LMOD3: variants seen among roughly 807,000 people sequenced by gnomAD.
LMOD3 encodes leiomodin-3.
In LMOD3, 31 loss-of-function variants were observed where a neutral mutation model predicts 41.8. The observed-to-expected ratio is 0.74, with a 90% CI of 0.56 to 1.00. The LOEUF (loss-of-function observed/expected upper bound fraction) is 1.00. LMOD3 is among the 50% of genes least tolerant of loss of function. LMOD3 has a pLI of 0.00. For synonymous variants in LMOD3, 292 were observed against 241.9 expected (o/e 1.21, Z -1.92); for missense variants, 755 against 679.5 (o/e 1.11, Z -1.23).
chr3:69,109,218 C>G, intron 2 of LMOD3, 97 bp from the exon 3 acceptor site: 1 of 1,139,658 alleles, frequency 8.8e-7, no homozygotes, highest in Non-Finnish European at 1.3e-6. Context: ...TTAAAAGATA[C>G]AGAATAGGTT....
At position 69,122,069 on chromosome 3, in the gene LMOD3, G is replaced by A. The variant is rs199769817; in HGVS notation, c.294+24C>T. 2,085 of 1,590,014 alleles carry A rather than the reference G, an allele frequency of 1.3e-3. 7 individuals carry two copies. Among genetic ancestry groups the A allele is most frequent in the Non-Finnish European group, 1.3e-3 (1,541 of 1,164,814 alleles). Reference sequence around the variant, plus strand: ...AGCCCATCCCAGGCAGCCATTTCTCGGTTGTACACAAATCTCTGGTTACCT... The same window carrying A: ...AGCCCATCCCAGGCAGCCATTTCTCAGTTGTACACAAATCTCTGGTTACCT... On this transcript the variant is annotated intron_variant, in intron 1 of 2. Coordinates refer to ENST00000420581, the MANE Select transcript of LMOD3 (RefSeq NM_198271.5).
At position 69,119,689 on chromosome 3, in the gene LMOD3, A is replaced by C; in HGVS notation, c.666T>G (p.Ala222=). 1 of 1,613,894 alleles carries C rather than the reference A, an allele frequency of 6.2e-7. No homozygotes were observed. The highest frequency in any genetic ancestry group is 8.5e-7 in the Non-Finnish European group (1 of 1,179,876). The change falls in exon 2 of 3, where the codon GCT becomes GCG. Residue 222 remains alanine (A), a synonymous_variant. Coordinates refer to ENST00000420581, the MANE Select transcript of LMOD3 (RefSeq NM_198271.5). ...KISKLDPKKL[A]LDTSFLKVST... ...TTACCTTCAAAAAGCTGGTGTCTAG[A>C]GCTAACTTCTTAGGATCTAATTTCG...
Position 69,120,038 on chromosome 3 carries a change from T to G in LMOD3, c.317A>C (p.Glu106Ala). 6.2e-7 allele frequency: 1 copy of G among 1,602,266 alleles called. No homozygotes were observed. The highest frequency in any genetic ancestry group is 8.5e-7 in the Non-Finnish European group (1 of 1,176,496). Residue 106 changes from glutamate to alanine, a missense_variant, in exon 2 of 3, where the codon GAA becomes GCA. Transcript: ENST00000420581. The part of the protein sequence containing the change: ...KSEEKTQEEH[E>A]EIEKRNKNMA... ...ATTTTTATTACGTTTTTCTATTTCT[T>G]CATGCTCTTCTTGAGTCTTTTCCTA... is the stretch of plus-strand genomic sequence containing the variant.
chr3:69,110,313 T>C (rs1399477323), intron 2 of LMOD3, among the ~76,000 whole-genome samples: 2 of 151,782 alleles, frequency 1.3e-5, no homozygotes, highest in African/African-American at 2.4e-5. Flanking sequence ...CAAGACAACC[T>C]CTGCCTCCCA....
Position 69,108,945 on chromosome 3 carries a change from C to T in LMOD3, c.*150G>A. On this transcript the variant is annotated 3_prime_UTR_variant, in exon 3 of 3. Coordinates refer to ENST00000420581, the MANE Select transcript of LMOD3 (RefSeq NM_198271.5). ...CCTACTTCTTCATGGCCCAAACATT[C>T]TGCCTTTTACAAATACCCTTATCAG... 1 of 643,548 alleles carries T rather than the reference C, an allele frequency of 1.6e-6. No homozygotes were observed. Among genetic ancestry groups the T allele is most frequent in the Non-Finnish European group, 2.6e-6 (1 of 380,782 alleles). The allele number at this position is 643,548 out of a possible 1,614,324, so 39.9% of individuals were successfully genotyped here.
chr3:69,118,649 C>A, intron 2 of LMOD3, 50 bp downstream of exon 2: 1 of 1,543,870 alleles, frequency 6.5e-7, no homozygotes. Context: ...AGTTGGGATG[C>A]ATTTACTATG....
intron 2 of LMOD3, among the ~76,000 whole-genome samples, chr3:69,116,882 T>G (rs2092376901): frequency 6.6e-6 from 1 of 152,242 alleles, no homozygotes; most frequent in South Asian, 2.1e-4. Flanking sequence ...TCTTCTGAAC[T>G]TCATTCCCTC....
rs766641333 is a variant in LMOD3 at position 69,118,919 on chromosome 3, C to G, written c.1436G>C (p.Arg479Thr). Residue 479 changes from arginine (R) to threonine (T), a missense_variant, in exon 2 of 3, where the codon AGG (arginine) becomes ACG (threonine). Coordinates refer to ENST00000420581, the MANE Select transcript of LMOD3 (RefSeq NM_198271.5). ...CACCCGGAAGGAGTCAGGGTCTGTCCTGTACTTCGGGGCCTGCGATGGCTT... is the reference window on the plus strand; with the variant it reads ...CACCCGGAAGGAGTCAGGGTCTGTCGTGTACTTCGGGGCCTGCGATGGCTT... ...MKKPSQAPKY[R>T]TDPDSFRVVK... 6.2e-7 allele frequency: 1 copy of G among 1,611,942 alleles called. No homozygotes were observed. The highest frequency in any genetic ancestry group is 2.2e-5 in the East Asian group (1 of 44,804).
chr3:69,119,365 G>A lies in LMOD3; in HGVS notation c.990C>T (p.Ile330=), dbSNP rs745597770. The A allele has an allele frequency of 1.2e-6, 2 of 1,613,968 alleles. No individual in the cohort carries two copies. The highest frequency in any genetic ancestry group is 1.7e-6 in the Non-Finnish European group (2 of 1,179,888). The change falls in exon 2 of 3, where the codon ATC becomes ATT. Residue 330 remains isoleucine, a synonymous_variant. Coordinates refer to ENST00000420581, the MANE Select transcript of LMOD3 (RefSeq NM_198271.5). ...TCTCATTAAACTGGAGACACCTCAT[G>A]ATGGCCACAATCCCTTTACCTGTGA... ...NFITGKGIVA[I]MRCLQFNETL...
At chr3:69,110,332 C>T (rs1027335123) in intron 2 of LMOD3, among the ~76,000 whole-genome samples, 1 of 151,772 alleles carries the variant, frequency 6.6e-6, no homozygotes, top group Non-Finnish European at 1.5e-5. Flanking sequence ...CAGGTTCAAG[C>T]GATTCTCCTG....
chr3:69,117,748 GTCTC>G (rs1186159034), intron 2 of LMOD3, among the ~76,000 whole-genome samples: 2 of 151,768 alleles, frequency 1.3e-5, no homozygotes, highest in Admixed American at 1.3e-4. Context: ...ATTTCGAACA[GTCTC>G]TCTTCATCTA....
chr3:69,115,752 G>A (rs144264811), intron 2 of LMOD3, among the ~76,000 whole-genome samples: 1 of 152,206 alleles, frequency 6.6e-6, no homozygotes, highest in East Asian at 1.9e-4. Flanking sequence ...TTTCTGCTGA[G>A]ATTTTGTGAC....
At chr3:69,112,749 G>A (rs2092355511) in intron 2 of LMOD3, among the ~76,000 whole-genome samples, 1 of 152,140 alleles carries the variant, frequency 6.6e-6, no homozygotes, top group Non-Finnish European at 1.5e-5. Flanking sequence ...AGCATTACCA[G>A]GGAATTTGTC....
rs371600297 is a variant in LMOD3, at chr3:69,109,173, G to C, written c.1657-52C>G. ...GGGGAAATTAATCCTGGAAATTTAA[G>C]AGCTTTGCAGCAAAATTTACAAAAT... On this transcript the variant is annotated intron_variant, in intron 2 of 2. Coordinates refer to ENST00000420581, the MANE Select transcript of LMOD3 (RefSeq NM_198271.5). 579 of 1,551,110 alleles carry C rather than the reference G, an allele frequency of 3.7e-4. 10 individuals carry two copies. The South Asian group carries it at 5.4e-3, about 14-fold the overall frequency.
intron 2 of LMOD3, among the ~76,000 whole-genome samples, chr3:69,110,838 C>CAAAAAAAAAAAA (rs774402446): frequency 3.0e-5 from 2 of 67,012 alleles, no homozygotes; most frequent in African/African-American, 1.6e-4. Context: ...GACACCATCT[C>CAAAAAAAAAAAA]AAAAAAAAAA....
At position 69,122,344 on chromosome 3, in the gene LMOD3, C is replaced by T. The variant is rs762330680; in HGVS notation, c.43G>A (p.Asp15Asn). 1.9e-5 allele frequency: 31 copies of T among 1,612,104 alleles called. No homozygotes were observed. The highest frequency in any genetic ancestry group is 2.4e-5 in the Non-Finnish European group (28 of 1,178,868). ...SRNSDQEELL[D>N]EEINEDEILA... ...ATTTCATCTTCATTAATCTCCTCAT[C>T]GAGAAGTTCTTCTTGATCTGAATTT... Residue 15 changes from aspartate (D) to asparagine (N), a missense_variant, in exon 1 of 3, where the codon GAT becomes AAT. Transcript: ENST00000420581.
rs1377604778 is a variant in LMOD3 at position 69,108,400 on chromosome 3, A to G, written c.*695T>C. ...TCATATATGCAGGGTTTACTTTCCC[A>G]TTACTTTTCCTAGTGACACTTAGTT... On this transcript the variant is annotated 3_prime_UTR_variant, in exon 3 of 3. Coordinates refer to ENST00000420581, the MANE Select transcript of LMOD3 (RefSeq NM_198271.5). The G allele has an allele frequency of 6.6e-6, 1 of 152,090 alleles. No homozygotes were observed. The highest frequency in any genetic ancestry group is 6.5e-5 in the Admixed American group (1 of 15,268). The allele number at this position is 152,090 out of a possible 1,614,324, so 9.4% of individuals were successfully genotyped here. A position where few individuals can be genotyped will look rare whatever the true frequency, so the allele number is the denominator to read the frequency against.
intron 2 of LMOD3, among the ~76,000 whole-genome samples, chr3:69,114,653 G>A (rs1002669038): frequency 2.0e-5 from 3 of 151,788 alleles, no homozygotes; most frequent in Admixed American, 6.6e-5. Context: ...GATTACAGGC[G>A]AGCACCACCA....
intron 2 of LMOD3, among the ~76,000 whole-genome samples, chr3:69,116,858 G>A (rs1028561804): frequency 6.6e-6 from 1 of 152,244 alleles, no homozygotes; most frequent in African/African-American, 2.4e-5. Flanking sequence ...AAGTCAGGGA[G>A]TTGGTTCAGA....
Sources: allele counts gnomAD v4.1 joint callset (sites outside exome capture counted in the v4.1 genomes callset), GRCh38; gene constraint gnomAD v4.1.1; transcripts MANE v1.5; gene names NCBI Gene and HGNC (gene_info 2026-07-23, HGNC 2026-07-21).